The following RGL1 variants were observed in gnomAD, a reference collection of about 807,000 sequenced individuals.
RGL1 encodes the protein ral guanine nucleotide dissociation stimulator-like 1.
In RGL1, 24 loss-of-function variants were observed where a neutral mutation model predicts 95.2. The ratio of observed to expected loss-of-function variants is 0.25; its 90% CI spans 0.18 to 0.35. RGL1 has a LOEUF of 0.35. Ranked by LOEUF, RGL1 falls within the 10% of genes least tolerant of loss-of-function variation. The pLI is 1.00. For synonymous variants in RGL1, 329 were observed against 344.9 expected (o/e 0.95, Z 0.51); for missense variants, 715 against 936.3 (o/e 0.76, Z 3.08).
chr1:183,670,452 T>A (rs1055745078), intron 1 of RGL1, among the ~76,000 whole-genome samples: 1 of 152,224 alleles, frequency 6.6e-6, no homozygotes, highest in Admixed American at 6.5e-5. Flanking sequence ...AGCTCCTGGA[T>A]GTAAAACGCA....
chr1:183,669,485 G>A (rs553849976), intron 1 of RGL1, among the ~76,000 whole-genome samples: 141 of 152,238 alleles, frequency 9.3e-4, no homozygotes, highest in Admixed American at 1.7e-3. Context: ...TAATTCTAGC[G>A]TTTCTACCAT....
intron 15 of RGL1, among the ~76,000 whole-genome samples, chr1:183,912,555 A>T (rs993282922): frequency 6.6e-6 from 1 of 152,232 alleles, no homozygotes; most frequent in East Asian, 1.9e-4. Flanking sequence ...TCTTAGAAAG[A>T]GCAAAAAGTC....
intron 2 of RGL1, among the ~76,000 whole-genome samples, chr1:183,781,782 C>T (rs924705235): frequency 2.0e-5 from 3 of 152,170 alleles, no homozygotes; most frequent in African/African-American, 7.2e-5. Context: ...TCTAACTACA[C>T]AGTAATCCAT....
intron 3 of RGL1, among the ~76,000 whole-genome samples, chr1:183,862,557 C>CT (rs1297228166): frequency 1.3e-5 from 2 of 152,272 alleles, no homozygotes; most frequent in South Asian, 2.1e-4. Flanking sequence ...CATCTTAAAA[C>CT]TTTTTTTCTT....
At chr1:183,860,829 A>G (rs1665468323) in intron 3 of RGL1, among the ~76,000 whole-genome samples, 1 of 152,140 alleles carries the variant, frequency 6.6e-6, no homozygotes, top group Non-Finnish European at 1.5e-5. Flanking sequence ...CTGTATCCTC[A>G]ATGTCTAGAA....
At chr1:183,680,542 G>C (rs1653142631) in intron 1 of RGL1, among the ~76,000 whole-genome samples, 1 of 152,102 alleles carries the variant, frequency 6.6e-6, no homozygotes, top group Non-Finnish European at 1.5e-5. Flanking sequence ...CTATATATCT[G>C]TTTTGGTACC....
Position 183,904,434 on chromosome 1 carries a change from CT to C in RGL1, c.1351-408del, listed in dbSNP as rs1038967577. Among the ~76,000 whole-genome samples the C allele has an allele frequency of 4.0e-5, 6 of 151,874 alleles. No homozygotes were observed. In the South Asian group the frequency reaches 1.0e-3, roughly 26 times the overall value. ...CTCCCTGACTTAAAGTATTTCTTTT[CT>C]TTTTTTTAAGAAATATGAATAGAAA... On this transcript the variant is annotated intron_variant, in intron 12 of 17. Transcript: ENST00000360851.
intron 16 of RGL1, among the ~76,000 whole-genome samples, chr1:183,918,095 T>C (rs1396855188): frequency 1.3e-5 from 2 of 152,206 alleles, no homozygotes; most frequent in Non-Finnish European, 1.5e-5. Flanking sequence ...AGAGGCTGTC[T>C]GGGTAGTTGG....
intron 1 of RGL1, among the ~76,000 whole-genome samples, chr1:183,670,783 A>T (rs976713604): frequency 6.6e-6 from 1 of 152,236 alleles, no homozygotes; most frequent in African/African-American, 2.4e-5. Context: ...AGCTCCTTAC[A>T]TGCTGAACCA....
chr1:183,888,341 T>G, intron 7 of RGL1, 133 bp from the exon 8 acceptor site: 1 of 567,342 alleles, frequency 1.8e-6, no homozygotes. Context: ...TTTTTGATGT[T>G]CACTATTTAT....
intron 2 of RGL1, among the ~76,000 whole-genome samples, chr1:183,777,156 T>G (rs1291324134): frequency 6.6e-6 from 1 of 152,228 alleles, no homozygotes; most frequent in African/African-American, 2.4e-5. Context: ...CTTTTTGGAC[T>G]TTCAGAGAAA....
chr1:183,844,595 C>T (rs746853199), intron 2 of RGL1, among the ~76,000 whole-genome samples: 3 of 152,138 alleles, frequency 2.0e-5, no homozygotes, highest in African/African-American at 4.8e-5. Context: ...TAGTGTTTTA[C>T]GGCACACACT....
chr1:183,784,734 A>G (rs1660071324), intron 2 of RGL1, among the ~76,000 whole-genome samples: 1 of 152,208 alleles, frequency 6.6e-6, no homozygotes, highest in African/African-American at 2.4e-5. Context: ...GGGCAAAAGG[A>G]GAACAATGGA....
chr1:183,778,451 C>G (rs1211437446), intron 2 of RGL1, among the ~76,000 whole-genome samples: 8 of 152,126 alleles, frequency 5.3e-5, no homozygotes, highest in African/African-American at 1.7e-4. Flanking sequence ...ATGGGGAAAA[C>G]TGTATACTAT....
In RGL1 at chr1:183,847,750, A is replaced by G; in HGVS notation, c.323A>G (p.Glu108Gly). The G allele has an allele frequency of 1.2e-6, 2 of 1,614,018 alleles. No individual in the cohort carries two copies. Among genetic ancestry groups the G allele is most frequent in the Non-Finnish European group, 1.7e-6 (2 of 1,179,892 alleles). ...STYRGFASTK[E>G]VLELLLDRYG... ...TACAGAGGCTTTGCCTCCACTAAAGAAGTGCTGGAACTACTGCTGGACAGG... is the reference window on the plus strand; with the variant it reads ...TACAGAGGCTTTGCCTCCACTAAAGGAGTGCTGGAACTACTGCTGGACAGG... Residue 108 changes from glutamate to glycine, a missense_variant, in exon 3 of 18, where the codon GAA (glutamate) becomes GGA (glycine). Coordinates refer to ENST00000360851, the MANE Select transcript of RGL1 (RefSeq NM_001297671.3).
intron 2 of RGL1, 92 bp downstream of exon 2, chr1:183,806,577 T>G: frequency 1.2e-6 from 1 of 857,516 alleles, no homozygotes; most frequent in East Asian, 2.5e-5. Flanking sequence ...AGGCTTTTTT[T>G]TTTTTCCTCT....
intron 10 of RGL1, among the ~76,000 whole-genome samples, chr1:183,899,238 A>G (rs1375919929): frequency 2.0e-5 from 3 of 152,196 alleles, no homozygotes; most frequent in South Asian, 2.1e-4. Flanking sequence ...GCATAATACT[A>G]TTAACTAAAA....
At chr1:183,772,157 C>A (rs1558198089) in intron 2 of RGL1, among the ~76,000 whole-genome samples, 1 of 152,236 alleles carries the variant, frequency 6.6e-6, no homozygotes, top group Non-Finnish European at 1.5e-5. Flanking sequence ...CACGATTCTT[C>A]CAAGGCAGGA....
chr1:183,718,753 T>TA (rs529593542), intron 1 of RGL1, among the ~76,000 whole-genome samples: 25 of 145,354 alleles, frequency 1.7e-4, no homozygotes, highest in Non-Finnish European at 2.4e-4. Flanking sequence ...CCGTCTCTAC[T>TA]AAAAAAAAAA....
Sources: allele counts gnomAD v4.1 joint callset (sites outside exome capture counted in the v4.1 genomes callset), GRCh38; gene constraint gnomAD v4.1.1; transcripts MANE v1.5; gene names NCBI Gene and HGNC (gene_info 2026-07-23, HGNC 2026-07-21).